Variants in GAS7 observed in about 807,000 individuals in gnomAD.
GAS7 encodes the protein growth arrest-specific protein 7.
A neutral mutation model predicts 71.1 loss-of-function variants in GAS7; 28 were observed. That is an observed-to-expected ratio of 0.39 (90% CI 0.29 to 0.54). The LOEUF is 0.54. GAS7 is among the 20% of genes least tolerant of loss of function. The pLI, the probability that GAS7 is intolerant of heterozygous loss-of-function variation, is 0.62. For synonymous variants in GAS7, 258 were observed against 245.8 expected (o/e 1.05, Z -0.46); for missense variants, 436 against 627.8 (o/e 0.69, Z 3.27).
chr17:10,078,578 A>G (rs896686316), intron 1 of GAS7, among the ~76,000 whole-genome samples: 1 of 152,216 alleles, frequency 6.6e-6, no homozygotes, highest in African/African-American at 2.4e-5. Flanking sequence ...TAAACACCAG[A>G]CCCTGATATC....
rs575116543 is a variant in GAS7 at position 10,115,527 on chromosome 17, G to A, written c.183+82681C>T. ...CAGGCTGCAGCTGTGCCCCGGGGAA[G>A]CACACCTCAGCACAGAGAAGGCCTC... On this transcript the variant is annotated intron_variant, in intron 1 of 13. Coordinates refer to ENST00000432992, the MANE Select transcript of GAS7 (RefSeq NM_201433.2). 3.8e-4 allele frequency among the ~76,000 whole-genome samples: 58 copies of A among 152,292 alleles called. No homozygotes were observed. The South Asian group carries it at 0.011, about 28-fold the overall frequency.
rs149678186 is a variant in GAS7, at chr17:9,919,677, G to A, written c.1167C>T (p.Leu389=). ...AGDDLMRCVD[L]YNQAQSKWFE... ...ACCATTTGGACTGGGCCTGGTTGTA[G>A]AGATCCACACAGCGCATGAGGTCGT... Residue 389 remains leucine, a synonymous_variant, in exon 12 of 14, where the codon CTC becomes CTT. Transcript: ENST00000432992. This position sits in a 1 kb window ranked among gnomAD's most constrained non-coding sequence, Gnocchi z 5.0. 137 of 1,613,478 alleles carry A rather than the reference G, an allele frequency of 8.5e-5. No homozygotes were observed. The African/African-American group carries it at 1.7e-3, about 20-fold the overall frequency.
intron 1 of GAS7, among the ~76,000 whole-genome samples, chr17:10,033,754 C>T (rs2072679986): frequency 6.6e-6 from 1 of 152,208 alleles, no homozygotes; most frequent in Non-Finnish European, 1.5e-5. Context: ...GCTGGCCTGG[C>T]TTTGTGGCCA....
intron 1 of GAS7, among the ~76,000 whole-genome samples, chr17:10,072,752 G>A (rs1048223710): frequency 6.6e-5 from 10 of 152,270 alleles, no homozygotes; most frequent in African/African-American, 9.6e-5. Flanking sequence ...CACCGTTTCC[G>A]AGACGTGATG....
intron 1 of GAS7, among the ~76,000 whole-genome samples, chr17:10,107,751 G>A (rs946101636): frequency 1.3e-5 from 2 of 151,804 alleles, no homozygotes; most frequent in Non-Finnish European, 2.9e-5. Context: ...GTCCACTGGT[G>A]GTGAGCTGGT....
intron 1 of GAS7, among the ~76,000 whole-genome samples, chr17:10,048,847 T>A (rs775255831): frequency 2.0e-5 from 3 of 152,240 alleles, no homozygotes; most frequent in Non-Finnish European, 4.4e-5. Flanking sequence ...TGTAAGTCAT[T>A]TCTTGCTCAG....
intron 1 of GAS7, among the ~76,000 whole-genome samples, chr17:10,162,424 A>G (rs1295499449): frequency 4.5e-4 from 1 of 2,210 alleles, no homozygotes; most frequent in Non-Finnish European, 8.4e-4. Flanking sequence ...GTATCCTTCA[A>G]GTTTCCTGGG....
intron 1 of GAS7, among the ~76,000 whole-genome samples, chr17:10,071,612 C>T (rs1167341094): frequency 6.6e-6 from 1 of 152,100 alleles, no homozygotes; most frequent in East Asian, 1.9e-4. Flanking sequence ...CATACAAAAA[C>T]CAAGACAGGT....
intron 1 of GAS7, among the ~76,000 whole-genome samples, chr17:10,053,560 G>A (rs1597754096): frequency 6.6e-6 from 1 of 152,112 alleles, no homozygotes; most frequent in Non-Finnish European, 1.5e-5. Flanking sequence ...CCATGGGAAG[G>A]GAGCCCAGGA....
Position 10,040,258 on chromosome 17 carries a change from G to C in GAS7, c.184-20361C>G, listed in dbSNP as rs560814357. ...ATATTCTAGGCCATGGGGCCAGCCTGAGCCAAGGTGAGAGAGAAACCGTGT... is the reference window on the plus strand; with the variant it reads ...ATATTCTAGGCCATGGGGCCAGCCTCAGCCAAGGTGAGAGAGAAACCGTGT... On this transcript the variant is annotated intron_variant, in intron 1 of 13. Coordinates refer to ENST00000432992, the MANE Select transcript of GAS7 (RefSeq NM_201433.2). 2.0e-5 allele frequency among the ~76,000 whole-genome samples: 3 copies of C among 152,354 alleles called. No individual in the cohort carries two copies. In the East Asian group the frequency reaches 5.8e-4, roughly 29 times the overall value.
chr17:9,937,148 C>A (rs978158515), intron 8 of GAS7, among the ~76,000 whole-genome samples: 3 of 152,198 alleles, frequency 2.0e-5, no homozygotes, highest in African/African-American at 7.2e-5. Context: ...GGCTGCTGTG[C>A]GTGCATGCAC....
chr17:10,136,109 T>C (rs552654090), intron 1 of GAS7, among the ~76,000 whole-genome samples: 1 of 152,288 alleles, frequency 6.6e-6, no homozygotes, highest in East Asian at 1.9e-4. Context: ...CTTCTATTAA[T>C]TAATCACAAT....
intron 1 of GAS7, among the ~76,000 whole-genome samples, chr17:10,062,382 G>C (rs894357907): frequency 1.3e-5 from 2 of 152,184 alleles, no homozygotes; most frequent in African/African-American, 4.8e-5. Context: ...CAACTCAGGA[G>C]GCTGAGACAT....
rs546805480 is a variant in GAS7 at position 9,915,545 on chromosome 17, G to T, written c.*1683C>A. ...TCAAGAACAAGAGAAAAGTGACAAC[G>T]TTTGGTTTACTTTAGTATATTAGGC... On this transcript the variant is annotated 3_prime_UTR_variant, in exon 14 of 14. Coordinates refer to ENST00000432992, the MANE Select transcript of GAS7 (RefSeq NM_201433.2). The T allele has an allele frequency of 5.8e-5, 13 of 225,596 alleles. No individual in the cohort carries two copies. Among genetic ancestry groups the T allele is most frequent in the African/African-American group, 2.7e-4 (12 of 45,032 alleles). 14.0% of individuals were successfully genotyped at this position (225,596 alleles called of 1,614,324 possible). A position where few individuals can be genotyped will look rare whatever the true frequency, so the allele number is the denominator to read the frequency against.
chr17:9,980,578 C>G (rs1288374454), intron 3 of GAS7, among the ~76,000 whole-genome samples: 1 of 152,208 alleles, frequency 6.6e-6, no homozygotes, highest in African/African-American at 2.4e-5. Flanking sequence ...TGCTTTGCTG[C>G]CAGATTGACT....
At position 10,190,574 on chromosome 17, in the gene GAS7, C is replaced by T. The variant is rs1282519608; in HGVS notation, c.183+7634G>A. ...CAGCCTGAGCGACAGAGCAAGACTC[C>T]GTCTCAAAAAAAAAAAAAAGAAAAA... On this transcript the variant is annotated intron_variant, in intron 1 of 13. Transcript: ENST00000432992. Among the ~76,000 whole-genome samples the T allele has an allele frequency of 6.8e-5, 10 of 147,066 alleles. No individual in the cohort carries two copies. In the East Asian group the frequency reaches 1.4e-3, roughly 20 times the overall value.
At chr17:10,189,816 A>G (rs982569408) in intron 1 of GAS7, among the ~76,000 whole-genome samples, 3 of 151,926 alleles carry the variant, frequency 2.0e-5, no homozygotes, top group Admixed American at 6.6e-5. Context: ...GCGGGTGCCT[A>G]TAGTCCCAAC....
intron 1 of GAS7, among the ~76,000 whole-genome samples, chr17:10,149,098 T>A (rs2074144653): frequency 6.6e-6 from 1 of 152,138 alleles, no homozygotes; most frequent in Non-Finnish European, 1.5e-5. Flanking sequence ...GTATTTATTT[T>A]GTTTTATTTA....
intron 1 of GAS7, among the ~76,000 whole-genome samples, chr17:10,170,785 T>C (rs1488120528): frequency 6.6e-6 from 1 of 152,238 alleles, no homozygotes; most frequent in Non-Finnish European, 1.5e-5. Context: ...CTTGTTAATC[T>C]GCTGAAAGGT....
Sources: gnomAD v4.1 joint callset for allele counts (sites outside exome capture counted in the v4.1 genomes callset) on GRCh38, gnomAD v4.1.1 for gene constraint, Gnocchi (gnomAD v3.1) non-coding constraint, MANE v1.5 for transcripts, NCBI Gene and HGNC (gene_info 2026-07-23, HGNC 2026-07-21) for gene names.